The following PCDHGB7 variants were observed in gnomAD, a reference collection of about 807,000 sequenced individuals.
The protein encoded by PCDHGB7 is protocadherin gamma-B7.
In PCDHGB7, 37 loss-of-function variants were observed where a neutral mutation model predicts 61.4. The observed-to-expected ratio is 0.60, with a 90% CI of 0.46 to 0.79. The LOEUF (loss-of-function observed/expected upper bound fraction) is 0.79, where lower values mean the gene tolerates loss of function less well. Ranked by LOEUF, PCDHGB7 falls within the 30% of genes least tolerant of loss-of-function variation. The pLI, the probability that PCDHGB7 is intolerant of heterozygous loss-of-function variation, is 0.00. For synonymous variants in PCDHGB7, 464 were observed against 503.5 expected (o/e 0.92, Z 1.05); for missense variants, 1,166 against 1,202.5 (o/e 0.97, Z 0.45).
chr5:141,432,237 A>T lies in PCDHGB7; in HGVS notation c.2415+11963A>T. ...GCCCAGATCACTTATTCCCTGGCTG[A>T]GAACACCATCCAAGGGGCAAGCCTA... On this transcript the variant is annotated intron_variant, in intron 1 of 3. Transcript: ENST00000398594. The surrounding 1 kb of genome is among the most constrained non-coding windows in gnomAD (Gnocchi z 6.0). The T allele has an allele frequency of 2.5e-6, 4 of 1,614,224 alleles. No individual in the cohort carries two copies. Among genetic ancestry groups the T allele is most frequent in the Non-Finnish European group, 3.4e-6 (4 of 1,180,032 alleles).
chr5:141,500,989 C>T (rs779352768), intron 2 of PCDHGB7, among the ~76,000 whole-genome samples: 1 of 152,040 alleles, frequency 6.6e-6, no homozygotes, highest in Non-Finnish European at 1.5e-5. Context: ...CTGCCTCAGC[C>T]TCCTGAGTAG....
chr5:141,496,338 G>A (rs1011495959), intron 2 of PCDHGB7, among the ~76,000 whole-genome samples: 5 of 152,230 alleles, frequency 3.3e-5, no homozygotes, highest in African/African-American at 9.6e-5. Flanking sequence ...TCAGGAGCCT[G>A]GAGGAGTCTC....
intron 1 of PCDHGB7, chr5:141,428,158 G>C (rs776350833): frequency 3.8e-6 from 6 of 1,577,610 alleles, no homozygotes; most frequent in Non-Finnish European, 5.2e-6. Context: ...GGAACCTGCT[G>C]GTTGCTGTGC....
Position 141,431,479 on chromosome 5 carries a change from A to T in PCDHGB7, c.2415+11205A>T. 1 of 1,613,892 alleles carries T rather than the reference A, an allele frequency of 6.2e-7. No individual in the cohort carries two copies. Among genetic ancestry groups the T allele is most frequent in the South Asian group, 1.1e-5 (1 of 91,092 alleles). On this transcript the variant is annotated intron_variant, in intron 1 of 3. Transcript: ENST00000398594. This position sits in a 1 kb window ranked among gnomAD's most constrained non-coding sequence, Gnocchi z 4.8. ...TTCTGGATGCGAACGACAACGCACC[A>T]GCGTTTGCTCAGCCCGAGTACCGCG...
intron 1 of PCDHGB7, among the ~76,000 whole-genome samples, chr5:141,470,142 A>G (rs1308458765): frequency 6.6e-6 from 1 of 152,044 alleles, no homozygotes; most frequent in Non-Finnish European, 1.5e-5. Context: ...AAAAAAGATC[A>G]TAGATCATCT....
Position 141,512,147 on chromosome 5 carries a change from GGCTGA to G in PCDHGB7, c.*978_*982del, listed in dbSNP as rs1406468661. The G allele has an allele frequency of 1.3e-5, 2 of 152,652 alleles. No homozygotes were observed. Among genetic ancestry groups the G allele is most frequent in the Admixed American group, 6.5e-5 (1 of 15,286 alleles). The allele number at this position is 152,652 out of a possible 1,614,324, so 9.5% of individuals were successfully genotyped here. A position where few individuals can be genotyped will look rare whatever the true frequency, so the allele number is the denominator to read the frequency against. On this transcript the variant is annotated 3_prime_UTR_variant, in exon 4 of 4. Coordinates refer to ENST00000398594, the MANE Select transcript of PCDHGB7 (RefSeq NM_018927.4). ...GGCTCAGCCCAGGCAGCCAGCTTTG[GGCTGA>G]GCTAACAGGACCAATGGATTAAACT... is the stretch of plus-strand genomic sequence containing the variant.
intron 1 of PCDHGB7, chr5:141,422,547 G>C: frequency 1.9e-6 from 3 of 1,613,938 alleles, no homozygotes; most frequent in Non-Finnish European, 2.5e-6. Context: ...CTCATGTCTG[G>C]CTGAATGTGG....
Position 141,430,614 on chromosome 5 carries a change from T to C in PCDHGB7, c.2415+10340T>C, listed in dbSNP as rs1030314096. 7.3e-6 allele frequency: 5 copies of C among 680,636 alleles called. No individual in the cohort carries two copies. In the African/African-American group the frequency reaches 7.4e-5, roughly 10 times the overall value. 42.2% of individuals were successfully genotyped at this position (680,636 alleles called of 1,614,324 possible). ...GCACGCGCCTGAAGCACAAAGCAGA[T>C]AGCTAGGAATGAACCATCCCTGGGA... On this transcript the variant is annotated intron_variant, in intron 1 of 3. Transcript: ENST00000398594.
chr5:141,490,811 A>G lies in PCDHGB7; in HGVS notation c.2416-3996A>G, dbSNP rs750702067. The G allele has an allele frequency of 1.2e-6, 2 of 1,613,918 alleles. No homozygotes were observed. The highest frequency in any genetic ancestry group is 8.5e-7 in the Non-Finnish European group (1 of 1,179,884). On this transcript the variant is annotated intron_variant, in intron 1 of 3. Coordinates refer to ENST00000398594, the MANE Select transcript of PCDHGB7 (RefSeq NM_018927.4). This position sits in a 1 kb window ranked among gnomAD's most constrained non-coding sequence, Gnocchi z 5.4. ...ATCTTTGCCCAGCGTACCTTTGACTATGAATTGCTGCAGATGCTGCAGATT... is the reference window on the plus strand; with the variant it reads ...ATCTTTGCCCAGCGTACCTTTGACTGTGAATTGCTGCAGATGCTGCAGATT...
rs1248714579 is a variant in PCDHGB7 at position 141,489,513 on chromosome 5, C to A, written c.2416-5294C>A. The A allele has an allele frequency of 6.2e-7, 1 of 1,614,000 alleles. No homozygotes were observed. Among genetic ancestry groups the A allele is most frequent in the African/African-American group, 1.3e-5 (1 of 74,918 alleles). ...CCCTGGCAGTGAATCAAAAGATTGACCGAGAAAGCCTATGTGGAGCCAGCA... is the reference window on the plus strand; with the variant it reads ...CCCTGGCAGTGAATCAAAAGATTGAACGAGAAAGCCTATGTGGAGCCAGCA... On this transcript the variant is annotated intron_variant, in intron 1 of 3. Coordinates refer to ENST00000398594, the MANE Select transcript of PCDHGB7 (RefSeq NM_018927.4). The surrounding 1 kb of genome is among the most constrained non-coding windows in gnomAD (Gnocchi z 4.5).
chr5:141,432,864 G>A lies in PCDHGB7; in HGVS notation c.2415+12590G>A. On this transcript the variant is annotated intron_variant, in intron 1 of 3. Coordinates refer to ENST00000398594, the MANE Select transcript of PCDHGB7 (RefSeq NM_018927.4). The surrounding 1 kb of genome is among the most constrained non-coding windows in gnomAD (Gnocchi z 6.0). ...GTGGTAGCGGTGGCCGCGGTCTCCT[G>A]CGTCTTCCTGGCCTTCGTCATCTTG... 6.2e-7 allele frequency: 1 copy of A among 1,614,168 alleles called. No individual in the cohort carries two copies. Among genetic ancestry groups the A allele is most frequent in the South Asian group, 1.1e-5 (1 of 91,084 alleles).
chr5:141,460,938 A>G (rs532872249), intron 1 of PCDHGB7, among the ~76,000 whole-genome samples: 38 of 149,918 alleles, frequency 2.5e-4, no homozygotes, highest in African/African-American at 9.1e-4. Context: ...GTGTGTGTAT[A>G]TATATGTATT....
At chr5:141,483,637 G>A (rs1365525499) in intron 1 of PCDHGB7, among the ~76,000 whole-genome samples, 1 of 145,878 alleles carries the variant, frequency 6.9e-6, no homozygotes, top group South Asian at 2.1e-4. Flanking sequence ...AAGGTATAGA[G>A]GGGTGTGTGT....
At chr5:141,424,746 T>TTA (rs1392854638) in intron 1 of PCDHGB7, 1 of 152,214 alleles carries the variant, frequency 6.6e-6, no homozygotes, top group Non-Finnish European at 1.5e-5. Flanking sequence ...CTTTCTTTCT[T>TTA]TATAAGGTCA....
chr5:141,430,910 G>A lies in PCDHGB7; in HGVS notation c.2415+10636G>A. The A allele has an allele frequency of 6.2e-7, 1 of 1,608,040 alleles. No homozygotes were observed. The highest frequency in any genetic ancestry group is 8.5e-7 in the Non-Finnish European group (1 of 1,177,584). On this transcript the variant is annotated intron_variant, in intron 1 of 3. Coordinates refer to ENST00000398594, the MANE Select transcript of PCDHGB7 (RefSeq NM_018927.4). ...CTCTAGGGTGGGCGACATCTCCAGG[G>A]ACCTGGGGCTGGAGCCCCGGGAGCT...
At chr5:141,478,845 A>G in intron 1 of PCDHGB7, 2 of 1,389,784 alleles carry the variant, frequency 1.4e-6, no homozygotes, top group Non-Finnish European at 9.5e-7. Flanking sequence ...TGGTTAAGCT[A>G]AAACACAAGA....
Position 141,489,898 on chromosome 5 carries a change from C to T in PCDHGB7, c.2416-4909C>T. On this transcript the variant is annotated intron_variant, in intron 1 of 3. Transcript: ENST00000398594. The surrounding 1 kb of genome is among the most constrained non-coding windows in gnomAD (Gnocchi z 4.5). ...GCTTACTGCTGTGGATGGGGGGACC[C>T]CAGCCCGCTCAGGGACCACCCTTAT... 6.2e-7 allele frequency: 1 copy of T among 1,614,216 alleles called. No homozygotes were observed. Among genetic ancestry groups the T allele is most frequent in the Non-Finnish European group, 8.5e-7 (1 of 1,180,036 alleles).
intron 1 of PCDHGB7, chr5:141,478,808 T>A: frequency 3.4e-6 from 5 of 1,459,124 alleles, no homozygotes; most frequent in Non-Finnish European, 4.5e-6. Context: ...TCTTTTGCTA[T>A]CACAACTAAC....
At chr5:141,471,926 G>T (rs2099266798) in intron 1 of PCDHGB7, among the ~76,000 whole-genome samples, 1 of 152,110 alleles carries the variant, frequency 6.6e-6, no homozygotes, top group African/African-American at 2.4e-5. Flanking sequence ...AATTTTGGGG[G>T]TGATGAGAGT....
Sources: allele counts gnomAD v4.1 joint callset (sites outside exome capture counted in the v4.1 genomes callset), GRCh38; gene constraint gnomAD v4.1.1; non-coding constraint Gnocchi (gnomAD v3.1); transcripts MANE v1.5; gene names NCBI Gene and HGNC (gene_info 2026-07-23, HGNC 2026-07-21).